ENTPD3: variants seen among roughly 807,000 people sequenced by gnomAD.
The protein encoded by ENTPD3 is ectonucleoside triphosphate diphosphohydrolase 3, also known as CD39 antigen-like 3.
ENTPD3 carries 60 observed loss-of-function variants against 51.2 expected under a neutral mutation model. The observed-to-expected ratio is 1.17, with a 90% CI of 0.95 to 1.45. The LOEUF is 1.45. ENTPD3 is among the 40% of genes most tolerant of loss of function. The pLI is 0.00. For synonymous variants in ENTPD3, 221 were observed against 238.4 expected, an observed-to-expected ratio of 0.93 and a Z score of 0.67; for missense variants, 593 against 641.1, an observed-to-expected ratio of 0.93 and a Z score of 0.81.
intron 2 of ENTPD3, 63 bp downstream of exon 2, chr3:40,388,160 G>A (rs2125584812): frequency 2.7e-6 from 4 of 1,489,816 alleles, no homozygotes; most frequent in South Asian, 2.3e-5. Context: ...CCCCAGCTTC[G>A]GCCTACAGTT....
chr3:40,422,164 T>C (rs1166299183), intron 7 of ENTPD3, among the ~76,000 whole-genome samples: 1 of 151,172 alleles, frequency 6.6e-6, no homozygotes, highest in African/African-American at 2.4e-5. Flanking sequence ...ACACACCCTT[T>C]TCCCACCCCT....
chr3:40,389,181 C>T (rs1955004283), intron 2 of ENTPD3, among the ~76,000 whole-genome samples: 1 of 152,232 alleles, frequency 6.6e-6, no homozygotes, highest in Non-Finnish European at 1.5e-5. Flanking sequence ...TGTTACATTC[C>T]TTCCAAAGGA....
intron 4 of ENTPD3, among the ~76,000 whole-genome samples, chr3:40,405,460 A>G (rs1955468413): frequency 6.6e-6 from 1 of 151,894 alleles, no homozygotes; most frequent in Non-Finnish European, 1.5e-5. Flanking sequence ...AGTGGAAATC[A>G]TGCCACTGCA....
intron 10 of ENTPD3, 31 bp downstream of exon 10, chr3:40,423,994 T>C: frequency 6.2e-7 from 1 of 1,613,838 alleles, no homozygotes; most frequent in Non-Finnish European, 8.5e-7. Flanking sequence ...TTTCTCTTCT[T>C]CTTCCCAACA....
intron 7 of ENTPD3, among the ~76,000 whole-genome samples, chr3:40,421,682 T>TA (rs2125610346): frequency 6.6e-6 from 1 of 152,194 alleles, no homozygotes; most frequent in East Asian, 1.9e-4. Flanking sequence ...ATGCAGCTAC[T>TA]AAAAAAATAG....
intron 4 of ENTPD3, among the ~76,000 whole-genome samples, chr3:40,409,096 T>C (rs567461388): frequency 6.8e-4 from 103 of 151,926 alleles, no homozygotes; most frequent in African/African-American, 2.4e-3. Context: ...CTACTAAAAA[T>C]ACAAAATTAG....
intron 4 of ENTPD3, among the ~76,000 whole-genome samples, chr3:40,407,122 G>C (rs1207420605): frequency 2.0e-5 from 3 of 152,140 alleles, no homozygotes; most frequent in Non-Finnish European, 4.4e-5. Flanking sequence ...GGAGCATATT[G>C]GGGGCAGGGC....
chr3:40,423,370 C>T lies in ENTPD3; in HGVS notation c.1184C>T (p.Thr395Ile), dbSNP rs1197183869. 1 of 1,613,694 alleles carries T rather than the reference C, an allele frequency of 6.2e-7. No individual in the cohort carries two copies. Among genetic ancestry groups the T allele is most frequent in the Admixed American group, 1.7e-5 (1 of 60,020 alleles). ...SFSLDTFNSSTWNFCSQNWSQ... is the reference protein window; with the variant it reads ...SFSLDTFNSSIWNFCSQNWSQ... Reference sequence around the variant, plus strand: ...TCCCTGGACACCTTCAACTCCAGCACCTGGAATTTCTGCTCACAGAATTGG... The same window carrying T: ...TCCCTGGACACCTTCAACTCCAGCATCTGGAATTTCTGCTCACAGAATTGG... The change falls in exon 9 of 11, where the codon ACC becomes ATC. Residue 395 changes from threonine to isoleucine, a missense_variant. Thr to Ile is a moderately conservative substitution (Grantham distance 89). Transcript: ENST00000301825.
intron 2 of ENTPD3, chr3:40,391,650 TGG>T (rs1460828290): frequency 4.4e-6 from 1 of 227,374 alleles, no homozygotes; most frequent in Non-Finnish European, 8.2e-6. Flanking sequence ...CACTCTAACC[TGG>T]GCGATAGAGT....
At chr3:40,405,137 C>T (rs534803848) in intron 4 of ENTPD3, among the ~76,000 whole-genome samples, 1 of 152,254 alleles carries the variant, frequency 6.6e-6, no homozygotes, top group East Asian at 1.9e-4. Flanking sequence ...CCACTAGAGC[C>T]TAAACTTAAC....
chr3:40,389,856 A>C (rs1193294390), intron 2 of ENTPD3, among the ~76,000 whole-genome samples: 3 of 152,204 alleles, frequency 2.0e-5, no homozygotes, highest in Non-Finnish European at 4.4e-5. Flanking sequence ...TACAGAAATA[A>C]TGGAGGGGTA....
chr3:40,422,033 A>G (rs975355837), intron 7 of ENTPD3, among the ~76,000 whole-genome samples: 1 of 152,104 alleles, frequency 6.6e-6, no homozygotes, highest in African/African-American at 2.4e-5. Context: ...CCATTTTCTC[A>G]CCAAGTGAAG....
At chr3:40,403,030 G>A (rs2125595366) in intron 4 of ENTPD3, among the ~76,000 whole-genome samples, 1 of 152,282 alleles carries the variant, frequency 6.6e-6, no homozygotes, top group South Asian at 2.1e-4. Flanking sequence ...ACAGGTTAGA[G>A]ACTCCAGACC....
intron 5 of ENTPD3, among the ~76,000 whole-genome samples, chr3:40,414,439 T>G (rs530917255): frequency 1.3e-5 from 2 of 152,140 alleles, no homozygotes; most frequent in Non-Finnish European, 2.9e-5. Flanking sequence ...AAATTGTACT[T>G]ATGCTGAAAG....
chr3:40,414,693 A>G lies in ENTPD3; in HGVS notation c.450A>G (p.Glu150=). Residue 150 remains glutamate (E), a synonymous_variant, in exon 6 of 11, where the codon GAA becomes GAG. Transcript: ENST00000301825. ...GTGCCTTGTACAGGTTGCAAAATGAAACAGCAGCTAATGAAGTCCTTGAAA... is the reference window on the plus strand; with the variant it reads ...GTGCCTTGTACAGGTTGCAAAATGAGACAGCAGCTAATGAAGTCCTTGAAA... The part of the protein sequence containing the change: ...AGMRLLRLQN[E]TAANEVLESI... The G allele has an allele frequency of 6.2e-7, 1 of 1,614,092 alleles. No individual in the cohort carries two copies.
At chr3:40,421,222 C>A (rs537010919) in intron 7 of ENTPD3, among the ~76,000 whole-genome samples, 4 of 151,904 alleles carry the variant, frequency 2.6e-5, no homozygotes, top group African/African-American at 9.7e-5. Flanking sequence ...CGGGGTTTCA[C>A]CATGTTGCCC....
chr3:40,390,594 G>A (rs1212370680), intron 2 of ENTPD3, among the ~76,000 whole-genome samples: 1 of 152,106 alleles, frequency 6.6e-6, no homozygotes, highest in African/African-American at 2.4e-5. Flanking sequence ...ATCTTAAGTC[G>A]TGCCCCTAAG....
At chr3:40,421,952 A>G (rs1231742780) in intron 7 of ENTPD3, among the ~76,000 whole-genome samples, 2 of 152,130 alleles carry the variant, frequency 1.3e-5, no homozygotes. Context: ...TCATATGTTT[A>G]TTTGTACCTT....
At chr3:40,410,283 A>G (rs886415901) in intron 4 of ENTPD3, among the ~76,000 whole-genome samples, 18 of 152,068 alleles carry the variant, frequency 1.2e-4, no homozygotes, top group Non-Finnish European at 2.4e-4. Flanking sequence ...TCTACAAAAA[A>G]TACAAAAATT....
Sources: allele counts gnomAD v4.1 joint callset (sites outside exome capture counted in the v4.1 genomes callset), GRCh38; gene constraint gnomAD v4.1.1; transcripts MANE v1.5; gene names NCBI Gene and HGNC (gene_info 2026-07-23, HGNC 2026-07-21).